The following ORC5 variants were observed in gnomAD, a reference collection of about 807,000 sequenced individuals.
ORC5 encodes the protein origin recognition complex subunit 5.
Under a neutral mutation model 58.8 loss-of-function variants are expected in ORC5, and 39 were observed. The observed-to-expected ratio is 0.66, with a 90% CI of 0.51 to 0.87. The LOEUF is 0.87. Ranked by LOEUF, ORC5 falls within the 40% of genes least tolerant of loss-of-function variation. ORC5 has a pLI of 0.00. For synonymous variants in ORC5, 218 were observed against 177.6 expected, an observed-to-expected ratio of 1.23 and a Z score of -1.81; for missense variants, 493 against 506.3, an observed-to-expected ratio of 0.97 and a Z score of 0.25.
At chr7:104,145,148 T>C (rs575179462) in intron 12 of ORC5, among the ~76,000 whole-genome samples, 1 of 152,308 alleles carries the variant, frequency 6.6e-6, no homozygotes, top group African/African-American at 2.4e-5. Context: ...TGGAAACTTG[T>C]AGAAATCCAT....
At chr7:104,198,958 G>A (rs1799866185) in intron 3 of ORC5, among the ~76,000 whole-genome samples, 2 of 152,378 alleles carry the variant, frequency 1.3e-5, no homozygotes, top group South Asian at 2.1e-4. Context: ...TTGCTTCAGA[G>A]AGTGCAAGCC....
chr7:104,180,225 C>T (rs1378114409), intron 8 of ORC5, among the ~76,000 whole-genome samples: 1 of 152,194 alleles, frequency 6.6e-6, no homozygotes, highest in Non-Finnish European at 1.5e-5. Flanking sequence ...GTTCAACTTC[C>T]AGGTTATCTA....
At chr7:104,200,480 T>C (rs1405387228) in intron 3 of ORC5, among the ~76,000 whole-genome samples, 1 of 152,238 alleles carries the variant, frequency 6.6e-6, no homozygotes, top group Non-Finnish European at 1.5e-5. Flanking sequence ...CAAATGCTAA[T>C]ACCTCATGAA....
At chr7:104,142,038 A>G (rs1243674940) in intron 12 of ORC5, among the ~76,000 whole-genome samples, 4 of 152,304 alleles carry the variant, frequency 2.6e-5, no homozygotes, top group South Asian at 4.1e-4. Context: ...AATGGCATAA[A>G]AACAGACACA....
At chr7:104,167,026 AT>A in intron 9 of ORC5, 142 bp from the exon 10 acceptor site, 1 of 571,690 alleles carries the variant, frequency 1.7e-6, no homozygotes, top group Non-Finnish European at 3.1e-6. Flanking sequence ...TGTCATGATA[AT>A]GATGGTCGTG....
intron 11 of ORC5, among the ~76,000 whole-genome samples, chr7:104,162,169 A>G: frequency 6.6e-6 from 1 of 152,272 alleles, no homozygotes; most frequent in South Asian, 2.1e-4. Context: ...TTAATAGCCA[A>G]TAAATATTTA....
chr7:104,144,809 G>A (rs1798729844), intron 12 of ORC5, among the ~76,000 whole-genome samples: 1 of 152,138 alleles, frequency 6.6e-6, no homozygotes, highest in South Asian at 2.1e-4. Flanking sequence ...TTACTTCCTT[G>A]CTCCACTTTA....
chr7:104,148,031 G>T (rs1798789251), intron 12 of ORC5, among the ~76,000 whole-genome samples: 1 of 152,106 alleles, frequency 6.6e-6, no homozygotes, highest in Non-Finnish European at 1.5e-5. Flanking sequence ...ATAGCTATAG[G>T]AACTAATTAA....
At chr7:104,164,632 G>A (rs561622101) in intron 11 of ORC5, among the ~76,000 whole-genome samples, 82 of 152,296 alleles carry the variant, frequency 5.4e-4, no homozygotes, top group Non-Finnish European at 8.4e-4. Context: ...AAAAGCAACA[G>A]TGGTTTGGAC....
At chr7:104,174,091 G>T (rs973667315) in intron 8 of ORC5, among the ~76,000 whole-genome samples, 2 of 151,884 alleles carry the variant, frequency 1.3e-5, no homozygotes, top group Non-Finnish European at 2.9e-5. Flanking sequence ...TGATCCGCCC[G>T]CCTCGGCCTC....
At chr7:104,179,297 TC>T (rs1799387465) in intron 8 of ORC5, among the ~76,000 whole-genome samples, 2 of 152,200 alleles carry the variant, frequency 1.3e-5, no homozygotes, top group South Asian at 4.1e-4. Flanking sequence ...AAATAGTTTG[TC>T]CTAAATGTAG....
chr7:104,132,676 AG>A (rs1257752704), intron 13 of ORC5, among the ~76,000 whole-genome samples: 1 of 152,224 alleles, frequency 6.6e-6, no homozygotes, highest in Non-Finnish European at 1.5e-5. Flanking sequence ...GCTAGGTTTG[AG>A]GATAAGGCAG....
Position 104,136,035 on chromosome 7 carries a change from T to C in ORC5, c.1262+746A>G, listed in dbSNP as rs1310626340. 6.6e-6 allele frequency among the ~76,000 whole-genome samples: 1 copy of C among 152,154 alleles called. No individual in the cohort carries two copies. Among genetic ancestry groups the C allele is most frequent in the Non-Finnish European group, 1.5e-5 (1 of 68,026 alleles). The stretch of plus-strand genomic sequence containing the variant: ...CATTTTCCATAACACTAAGAACACC[T>C]CTTTGTAAGGAAACTTGTATTTTTA... On this transcript the variant is annotated intron_variant, in intron 13 of 13. Transcript: ENST00000297431. This position sits in a 1 kb window ranked among gnomAD's most constrained non-coding sequence, Gnocchi z 4.2.
At chr7:104,203,992 C>G (rs1800010700) in intron 2 of ORC5, 150 bp downstream of exon 2, 2 of 496,218 alleles carry the variant, frequency 4.0e-6, no homozygotes, top group African/African-American at 2.0e-5. Context: ...GTGTCAATGA[C>G]AGTAGACCAT....
chr7:104,134,876 T>C (rs1410692653), intron 13 of ORC5, among the ~76,000 whole-genome samples: 6 of 151,870 alleles, frequency 4.0e-5, no homozygotes, highest in Non-Finnish European at 1.5e-5. Flanking sequence ...AGAGGGCAGG[T>C]GTGGGGAGGA....
chr7:104,149,705 A>G (rs1350542881), intron 12 of ORC5, among the ~76,000 whole-genome samples: 4 of 152,206 alleles, frequency 2.6e-5, no homozygotes, highest in Admixed American at 6.5e-5. Context: ...GTTATCAAAG[A>G]GAATAGTACT....
At chr7:104,162,018 C>G (rs1799033688) in intron 11 of ORC5, among the ~76,000 whole-genome samples, 1 of 151,950 alleles carries the variant, frequency 6.6e-6, no homozygotes, top group Non-Finnish European at 1.5e-5. Flanking sequence ...GTAAATAAGC[C>G]AGCAGCCTAA....
In ORC5 at chr7:104,204,252, A is replaced by C; in HGVS notation, c.73-18T>G. 1 of 1,365,534 alleles carries C rather than the reference A, an allele frequency of 7.3e-7. No homozygotes were observed. The highest frequency in any genetic ancestry group is 1.4e-5 in the African/African-American group (1 of 69,858). 84.6% of individuals were successfully genotyped at this position (1,365,534 alleles called of 1,614,324 possible). A position where few individuals can be genotyped will look rare whatever the true frequency, so the allele number is the denominator to read the frequency against. Reference sequence around the variant, plus strand: ...TGATGTCTCTAACGAGAGAAAAGACAAATATGAGGCTGCACATACAAAATA... The same window carrying C: ...TGATGTCTCTAACGAGAGAAAAGACCAATATGAGGCTGCACATACAAAATA... On this transcript the variant is annotated intron_variant, in intron 1 of 13. Transcript: ENST00000297431.
chr7:104,191,221 A>C (rs952490909), intron 5 of ORC5, among the ~76,000 whole-genome samples: 7 of 151,872 alleles, frequency 4.6e-5, no homozygotes. Flanking sequence ...TTAACTAGGC[A>C]TGGGGAAATA....
Sources: gnomAD v4.1 joint callset for allele counts (sites outside exome capture counted in the v4.1 genomes callset) on GRCh38, gnomAD v4.1.1 for gene constraint, Gnocchi (gnomAD v3.1) non-coding constraint, MANE v1.5 for transcripts, NCBI Gene and HGNC (gene_info 2026-07-23, HGNC 2026-07-21) for gene names.